Variants in MSH4 observed in about 807,000 individuals in gnomAD.
The protein encoded by MSH4 is mutS homolog 4.
A neutral mutation model predicts 113.7 loss-of-function variants in MSH4; 106 were observed. That is an observed-to-expected ratio of 0.93 (90% confidence interval 0.80 to 1.10). MSH4 has a LOEUF of 1.10. MSH4 is among the 50% of genes least tolerant of loss of function. The pLI, the probability that MSH4 is intolerant of heterozygous loss-of-function variation, is 0.00. For missense variants in MSH4, 1,061 were observed against 1,093.7 expected, an observed-to-expected ratio of 0.97 and a Z score of 0.42; for synonymous variants, 368 against 380.2, an observed-to-expected ratio of 0.97 and a Z score of 0.37.
chr1:75,850,915 G>A (rs576907321), intron 8 of MSH4, among the ~76,000 whole-genome samples: 3 of 152,154 alleles, frequency 2.0e-5, no homozygotes, highest in Non-Finnish European at 4.4e-5. Context: ...AATTGAGCCT[G>A]TTGTCATTAT....
intron 9 of MSH4, among the ~76,000 whole-genome samples, chr1:75,874,996 C>T (rs566368710): frequency 3.9e-5 from 6 of 152,166 alleles, no homozygotes; most frequent in Non-Finnish European, 8.8e-5. Context: ...AGGCTCAAGC[C>T]ATCCTCCCAC....
chr1:75,905,183 G>T (rs1652597879), intron 19 of MSH4, among the ~76,000 whole-genome samples: 1 of 149,460 alleles, frequency 6.7e-6, no homozygotes, highest in Non-Finnish European at 1.5e-5. Context: ...TTTGTTGTAG[G>T]TGTTTATTGC....
At chr1:75,879,312 C>T (rs897471360) in intron 12 of MSH4, among the ~76,000 whole-genome samples, 184 bp downstream of exon 12, 6 of 151,980 alleles carry the variant, frequency 3.9e-5, no homozygotes, top group African/African-American at 1.4e-4. Flanking sequence ...TGCAGAAATA[C>T]CAAACTCAGT....
intron 13 of MSH4, 71 bp downstream of exon 13, chr1:75,880,224 A>G: frequency 1.2e-6 from 1 of 803,846 alleles, no homozygotes. Flanking sequence ...CAATTGTATT[A>G]GTTTAATTTT....
intron 8 of MSH4, among the ~76,000 whole-genome samples, chr1:75,854,677 T>C (rs184645199): frequency 1.2e-3 from 179 of 152,320 alleles, no homozygotes; most frequent in Admixed American, 1.5e-3. Flanking sequence ...ACATTGTTCA[T>C]ATTAAAATGA....
At chr1:75,800,155 C>T (rs188196805) in intron 1 of MSH4, among the ~76,000 whole-genome samples, 35 of 152,234 alleles carry the variant, frequency 2.3e-4, no homozygotes, top group African/African-American at 7.5e-4. Context: ...CCAGTTTCCG[C>T]ATCTCCAGTT....
chr1:75,846,139 A>G (rs1651071790), intron 7 of MSH4, among the ~76,000 whole-genome samples: 1 of 128,110 alleles, frequency 7.8e-6, no homozygotes, highest in Non-Finnish European at 1.6e-5. Context: ...AGGTCTCACA[A>G]GCACCTTGCT....
intron 7 of MSH4, among the ~76,000 whole-genome samples, chr1:75,825,945 C>G (rs531800904): frequency 9.3e-4 from 141 of 152,106 alleles, no homozygotes; most frequent in African/African-American, 3.3e-3. Flanking sequence ...TGTGTCTGTA[C>G]CAGGTTTTGG....
intron 15 of MSH4, among the ~76,000 whole-genome samples, chr1:75,888,832 T>C (rs1652186490): frequency 6.6e-6 from 1 of 152,118 alleles, no homozygotes; most frequent in South Asian, 2.1e-4. Flanking sequence ...GTTTGTTATG[T>C]ACTTGAACAT....
At chr1:75,817,681 C>T (rs189531225) in intron 6 of MSH4, among the ~76,000 whole-genome samples, 253 of 152,238 alleles carry the variant, frequency 1.7e-3, no homozygotes, top group African/African-American at 5.9e-3. Context: ...ATCTGAATAG[C>T]TCCAATGCTT....
intron 6 of MSH4, among the ~76,000 whole-genome samples, chr1:75,819,986 G>A (rs888139651): frequency 1.6e-4 from 24 of 152,220 alleles, no homozygotes; most frequent in African/African-American, 5.5e-4. Flanking sequence ...AAAGTGCTGG[G>A]AATACAGGCA....
At chr1:75,839,976 C>T (rs1291037770) in intron 7 of MSH4, among the ~76,000 whole-genome samples, 1 of 146,248 alleles carries the variant, frequency 6.8e-6, no homozygotes, top group African/African-American at 2.5e-5. Context: ...GAGATACCAT[C>T]TCACACCAGT....
chr1:75,816,648 TG>T, intron 6 of MSH4, 102 bp downstream of exon 6: 1 of 668,150 alleles, frequency 1.5e-6, no homozygotes, highest in Non-Finnish European at 2.2e-6. Context: ...AATTTTGAGA[TG>T]GAGTTTTGCT....
chr1:75,896,926 T>A (rs1652399147), intron 17 of MSH4, among the ~76,000 whole-genome samples: 1 of 152,198 alleles, frequency 6.6e-6, no homozygotes, highest in Non-Finnish European at 1.5e-5. Context: ...TATACTCCTT[T>A]TGATTTGTTG....
chr1:75,912,734 A>G lies in MSH4; in HGVS notation c.2658A>G (p.Arg886=). Residue 886 remains arginine (R), a synonymous_variant, in exon 20 of 20, where the codon AGA becomes AGG. Coordinates refer to ENST00000263187, the MANE Select transcript of MSH4 (RefSeq NM_002440.4). ...GTACCCCTGAGATGGAAAGACAGAG[A>G]GCTGTGTACCATCTAGCCACTAGGC... ...QRSTPEMERQ[R]AVYHLATRLV... 1.3e-6 allele frequency: 2 copies of G among 1,565,886 alleles called. No homozygotes were observed. The highest frequency in any genetic ancestry group is 1.9e-5 in the Admixed American group (1 of 51,812).
Position 75,854,446 on chromosome 1 carries a change from C to T in MSH4, c.1230+6170C>T, listed in dbSNP as rs367897032. 3.9e-4 allele frequency among the ~76,000 whole-genome samples: 59 copies of T among 152,200 alleles called. 1 individual carries two copies. Among genetic ancestry groups the T allele is most frequent in the African/African-American group, 1.4e-3 (58 of 41,532 alleles). ...GGCTTTCTTCAGCCTACTTGGGATCCAAAACCTGTGTCAGGGTTTCCCTCT... is the reference window on the plus strand; with the variant it reads ...GGCTTTCTTCAGCCTACTTGGGATCTAAAACCTGTGTCAGGGTTTCCCTCT... On this transcript the variant is annotated intron_variant, in intron 8 of 19. Transcript: ENST00000263187.
At chr1:75,899,821 T>A in intron 19 of MSH4, 115 bp downstream of exon 19, 1 of 312,056 alleles carries the variant, frequency 3.2e-6, no homozygotes, top group Non-Finnish European at 5.6e-6. Context: ...TTAAAATATT[T>A]AAAATTAAAA....
intron 7 of MSH4, 96 bp downstream of exon 7, chr1:75,822,677 G>C (rs191403592): frequency 4.9e-6 from 3 of 609,834 alleles, no homozygotes; most frequent in Admixed American, 8.5e-5. Flanking sequence ...AGTAGTGAAG[G>C]TGTTAATTCT....
intron 8 of MSH4, among the ~76,000 whole-genome samples, chr1:75,861,091 T>C (rs1651445397): frequency 6.6e-6 from 1 of 152,222 alleles, no homozygotes. Flanking sequence ...GAAGTTCTCA[T>C]ATTGTGCTTT....
Sources: gnomAD v4.1 joint callset for allele counts (sites outside exome capture counted in the v4.1 genomes callset) on GRCh38, gnomAD v4.1.1 for gene constraint, MANE v1.5 for transcripts, NCBI Gene and HGNC (gene_info 2026-07-23, HGNC 2026-07-21) for gene names.